Variants in EYS observed in about 807,000 individuals in gnomAD.
EYS encodes the protein EGF-like photoreceptor maintenance factor.
In EYS, 250 loss-of-function variants were observed where a neutral mutation model predicts 282.1. The observed-to-expected ratio is 0.89, with a 90% CI of 0.80 to 0.98. EYS has a LOEUF of 0.98. EYS is among the 50% of genes least tolerant of loss of function. The pLI is 0.00. For missense variants in EYS, 4,016 were observed against 3,709.0 expected, an observed-to-expected ratio of 1.08 and a Z score of -2.15; for synonymous variants, 1,355 against 1,282.9, an observed-to-expected ratio of 1.06 and a Z score of -1.20.
At chr6:64,086,428 G>T (rs1174118818) in intron 31 of EYS, among the ~76,000 whole-genome samples, 1 of 152,034 alleles carries the variant, frequency 6.6e-6, no homozygotes, top group South Asian at 2.1e-4. Context: ...AAAAACTTCA[G>T]TGGCTACAGT....
chr6:63,998,987 T>C (rs1562141463), intron 34 of EYS, 88 bp downstream of exon 34: 1 of 793,110 alleles, frequency 1.3e-6, no homozygotes, highest in Non-Finnish European at 2.1e-6. Context: ...AATTAAGAAA[T>C]ATGATTACTG....
At chr6:64,993,729 A>G (rs1771154287) in intron 14 of EYS, among the ~76,000 whole-genome samples, 1 of 151,790 alleles carries the variant, frequency 6.6e-6, no homozygotes, top group Non-Finnish European at 1.5e-5. Flanking sequence ...AGTATAATTA[A>G]AAAAAAACCA....
rs1016380 is a variant in EYS, at chr6:63,927,172, C to T, written c.7055+57211G>A. On this transcript the variant is annotated intron_variant, in intron 35 of 42. Transcript: ENST00000503581. ...ACCTCTCTGAGCCTCAGTTTGTTTC[C>T]GCAGAAAAGTAGGGATATTACCATC... Among the ~76,000 whole-genome samples, 1,098 of 151,980 alleles carry T rather than the reference C, an allele frequency of 7.2e-3. 15 individuals carry two copies. Among genetic ancestry groups the T allele is most frequent in the African/African-American group, 0.024 (1,014 of 41,434 alleles).
chr6:64,254,257 C>T (rs556762278), intron 30 of EYS, among the ~76,000 whole-genome samples: 1 of 152,150 alleles, frequency 6.6e-6, no homozygotes, highest in African/African-American at 2.4e-5. Context: ...GGAAAACAGT[C>T]TGAATGTGCA....
At chr6:65,342,524 G>A (rs1340615002) in intron 10 of EYS, among the ~76,000 whole-genome samples, 1 of 150,590 alleles carries the variant, frequency 6.6e-6, no homozygotes, top group East Asian at 2.0e-4. Flanking sequence ...TATTTTGGAT[G>A]CCTGAACAAT....
rs574891675 is a variant in EYS at position 63,935,082 on chromosome 6, T to C, written c.7055+49301A>G. On this transcript the variant is annotated intron_variant, in intron 35 of 42. Coordinates refer to ENST00000503581, the MANE Select transcript of EYS (RefSeq NM_001142800.2). ...TGTTTACATCTATATTTAAACCTTA[T>C]ATTGTACTACATGTCTTCATGGAAA... is the stretch of plus-strand genomic sequence containing the variant. 1.3e-3 allele frequency among the ~76,000 whole-genome samples: 202 copies of C among 152,326 alleles called. 2 individuals carry two copies. The highest frequency in any genetic ancestry group is 4.7e-3 in the African/African-American group (195 of 41,572).
intron 29 of EYS, among the ~76,000 whole-genome samples, chr6:64,361,452 T>G (rs866704568): frequency 6.6e-6 from 1 of 151,076 alleles, no homozygotes; most frequent in Non-Finnish European, 1.5e-5. Context: ...GCAGCTTAAT[T>G]TGAAGAAGAT....
rs1260681249 is a variant in EYS at position 65,565,177 on chromosome 6, G to A, written c.-332-69184C>T. On this transcript the variant is annotated intron_variant, in intron 2 of 42. Coordinates refer to ENST00000503581, the MANE Select transcript of EYS (RefSeq NM_001142800.2). The stretch of plus-strand genomic sequence containing the variant: ...GGAGAATGGCGTGAACCCGGGAGGC[G>A]GAGCTTGCAGTGAGCCGAGATCCCG... 3.6e-4 allele frequency among the ~76,000 whole-genome samples: 16 copies of A among 44,870 alleles called. 7 individuals are homozygous for A. The highest frequency in any genetic ancestry group is 6.7e-4 in the Admixed American group (2 of 2,974). 29.4% of individuals were successfully genotyped at this position (44,870 alleles called of 152,430 possible). A position where few individuals can be genotyped will look rare whatever the true frequency, so the allele number is the denominator to read the frequency against.
At chr6:65,210,772 TTATAA>T (rs1179772635) in intron 12 of EYS, among the ~76,000 whole-genome samples, 1 of 152,008 alleles carries the variant, frequency 6.6e-6, no homozygotes, top group African/African-American at 2.4e-5. Flanking sequence ...GTAGATAATT[TTATAA>T]TATATTTAAT....
At chr6:63,909,740 G>C (rs911568395) in intron 35 of EYS, among the ~76,000 whole-genome samples, 3 of 152,186 alleles carry the variant, frequency 2.0e-5, no homozygotes, top group Admixed American at 1.3e-4. Context: ...AATTAACTGG[G>C]GAGGTGTAAG....
chr6:64,174,623 A>C (rs892811647), intron 31 of EYS, among the ~76,000 whole-genome samples: 10 of 151,762 alleles, frequency 6.6e-5, no homozygotes, highest in Non-Finnish European at 1.2e-4. Context: ...CTGTGAAACA[A>C]TTAGGGTAAT....
At position 65,295,972 on chromosome 6, in the gene EYS, G is replaced by A. The variant is rs1304878362; in HGVS notation, c.1914C>T (p.Asn638=). The A allele has an allele frequency of 1.3e-6, 2 of 1,551,238 alleles. No homozygotes were observed. The highest frequency in any genetic ancestry group is 1.7e-6 in the Non-Finnish European group (2 of 1,146,562). The change falls in exon 12 of 43, where the codon AAC becomes AAT. Residue 638 remains asparagine (N), a synonymous_variant. Coordinates refer to ENST00000503581, the MANE Select transcript of EYS (RefSeq NM_001142800.2). ...AGTCTTCAGTATCTATCTCACAGAT[G>A]TTCCTTTCATATCTTTGCAGACCGC... is the stretch of plus-strand genomic sequence containing the variant. ...NCSGLQRYER[N]ICEIDTEDCK... is the part of the protein sequence containing the mutation.
chr6:64,515,301 G>C (rs1448311307), intron 26 of EYS, among the ~76,000 whole-genome samples: 1 of 151,436 alleles, frequency 6.6e-6, no homozygotes, highest in Non-Finnish European at 1.5e-5. Context: ...AAAATATCTT[G>C]ACTAAGCCTA....
chr6:65,073,154 A>G (rs537930712), intron 12 of EYS, among the ~76,000 whole-genome samples: 1 of 151,820 alleles, frequency 6.6e-6, no homozygotes, highest in Non-Finnish European at 1.5e-5. Context: ...CCCTTTGGGC[A>G]TGTAGCAGAT....
At chr6:64,094,302 A>G (rs1016782421) in intron 31 of EYS, among the ~76,000 whole-genome samples, 3 of 151,504 alleles carry the variant, frequency 2.0e-5, no homozygotes, top group Admixed American at 6.6e-5. Flanking sequence ...TTTTTTTTCT[A>G]TTAATTGGAA....
At chr6:64,196,340 TC>T (rs1406033690) in intron 31 of EYS, among the ~76,000 whole-genome samples, 2 of 152,192 alleles carry the variant, frequency 1.3e-5, no homozygotes, top group Non-Finnish European at 2.9e-5. Context: ...GTGTGGCAAT[TC>T]CTCAGGGATC....
intron 19 of EYS, among the ~76,000 whole-genome samples, chr6:64,863,876 C>T (rs1766329289): frequency 6.6e-6 from 1 of 152,172 alleles, no homozygotes; most frequent in African/African-American, 2.4e-5. Context: ...AAGCTGCCTC[C>T]TTTCTAATAC....
chr6:64,267,893 TA>T (rs1397670141), intron 30 of EYS, among the ~76,000 whole-genome samples: 2 of 152,136 alleles, frequency 1.3e-5, no homozygotes, highest in Non-Finnish European at 2.9e-5. Context: ...GGTGAGGTTT[TA>T]GGTTTTTGCT....
chr6:65,017,230 T>C (rs904953547), intron 13 of EYS, among the ~76,000 whole-genome samples: 3 of 152,216 alleles, frequency 2.0e-5, no homozygotes, highest in African/African-American at 7.2e-5. Context: ...ATCTTATAGA[T>C]GCATTTTACA....
Sources: gnomAD v4.1 joint callset for allele counts (sites outside exome capture counted in the v4.1 genomes callset) on GRCh38, gnomAD v4.1.1 for gene constraint, MANE v1.5 for transcripts, NCBI Gene and HGNC (gene_info 2026-07-23, HGNC 2026-07-21) for gene names.